The following RABL6 variants were observed in gnomAD, a reference collection of about 807,000 sequenced individuals.
RABL6 encodes the protein RAB, member RAS oncogene family like 6, also known as rab-like protein 6.
Under a neutral mutation model 72.9 loss-of-function variants are expected in RABL6, and 28 were observed. That is an observed-to-expected ratio of 0.38 (90% confidence interval 0.28 to 0.53). The LOEUF (loss-of-function observed/expected upper bound fraction) is 0.53. Ranked by LOEUF, RABL6 falls within the 20% of genes least tolerant of loss-of-function variation. The pLI is 0.80. For synonymous variants in RABL6, 477 were observed against 421.2 expected (o/e 1.13, Z -1.62); for missense variants, 1,029 against 1,008.4 (o/e 1.02, Z -0.28).
intron 5 of RABL6, 45 bp downstream of exon 5, chr9:136,829,529 C>T (rs772746996): frequency 1.5e-5 from 23 of 1,513,448 alleles, no homozygotes; most frequent in Middle Eastern, 1.7e-4. Context: ...CTCTCACCCC[C>T]CTAGCCCCTT....
At chr9:136,810,862 A>G (rs1283189320) in intron 1 of RABL6, among the ~76,000 whole-genome samples, 2 of 152,132 alleles carry the variant, frequency 1.3e-5, no homozygotes, top group Admixed American at 6.6e-5. Context: ...ATTTTCTCAA[A>G]TATTTTACAG....
intron 1 of RABL6, among the ~76,000 whole-genome samples, chr9:136,822,720 C>T (rs1425661240): frequency 6.6e-6 from 1 of 152,216 alleles, no homozygotes; most frequent in Non-Finnish European, 1.5e-5. Flanking sequence ...GCAAGCAGGC[C>T]CAGGCCCGGG....
Position 136,840,869 on chromosome 9 carries a change from C to T in RABL6, c.*347C>T. On this transcript the variant is annotated 3_prime_UTR_variant, in exon 15 of 15. Transcript: ENST00000311502. ...GTTTACAGAGGCTGGGCAGGGGCCG[C>T]TTGGCTGTGGGGTGTGCGCTGCCCC... 6.5e-7 allele frequency: 1 copy of T among 1,537,628 alleles called. No homozygotes were observed. Among genetic ancestry groups the T allele is most frequent in the Non-Finnish European group, 8.8e-7 (1 of 1,140,046 alleles).
chr9:136,840,446 A>T lies in RABL6; in HGVS notation c.2114A>T (p.Asp705Val). ...CGCAGCAGGGAGAGGACGGCTGCCG[A>T]TGAGCTGGAGGCTTTCCTGGGGGGC... is the stretch of plus-strand genomic sequence containing the variant. ...PPRSRERTAA[D>V]ELEAFLGGGA... Residue 705 changes from aspartate (D) to valine (V), a missense_variant, in exon 15 of 15, where the codon GAT becomes GTT. Transcript: ENST00000311502. 1 of 1,547,340 alleles carries T rather than the reference A, an allele frequency of 6.5e-7. No homozygotes were observed. The highest frequency in any genetic ancestry group is 1.2e-5 in the South Asian group (1 of 83,892).
rs1202630259 is a variant in RABL6, at chr9:136,829,384, T to G, written c.367-9T>G. 4.5e-6 allele frequency: 7 copies of G among 1,561,512 alleles called. No individual in the cohort carries two copies. Among genetic ancestry groups the G allele is most frequent in the Non-Finnish European group, 6.1e-6 (7 of 1,152,674 alleles). On this transcript the variant is annotated splice_polypyrimidine_tract_variant and intron_variant, in intron 4 of 14. Transcript: ENST00000311502. ...GGCCAGTCTCACACCTGTTCCCTCC[T>G]GTCCCCAGGCGGAGTCTGAAATGGC...
chr9:136,823,426 G>T, intron 1 of RABL6, 99 bp from the exon 2 acceptor site: 1 of 1,464,364 alleles, frequency 6.8e-7, no homozygotes, highest in Non-Finnish European at 9.3e-7. Flanking sequence ...AGATGAAACA[G>T]GTGGCAGCAG....
chr9:136,823,789 G>A (rs1244122968), intron 2 of RABL6, 130 bp downstream of exon 2: 11 of 1,240,838 alleles, frequency 8.9e-6, no homozygotes, highest in Admixed American at 6.0e-5. Context: ...CCCTGCTGAC[G>A]TGGGGGCCCT....
chr9:136,821,125 A>T (rs1170672834), intron 1 of RABL6, among the ~76,000 whole-genome samples: 3 of 152,204 alleles, frequency 2.0e-5, no homozygotes, highest in African/African-American at 7.2e-5. Context: ...CTTTGTTAAC[A>T]TTGGTTCTTG....
At chr9:136,836,224 TGAA>T (rs778303732) in intron 8 of RABL6, 8 of 212,644 alleles carry the variant, frequency 3.8e-5, no homozygotes, top group Non-Finnish European at 7.6e-5. Context: ...CTCCCTGTGT[TGAA>T]GAGGCATACA....
intron 2 of RABL6, among the ~76,000 whole-genome samples, chr9:136,824,983 T>C (rs1848322222): frequency 6.6e-6 from 1 of 152,134 alleles, no homozygotes; most frequent in Admixed American, 6.5e-5. Flanking sequence ...GCCCCGGGCG[T>C]GCCTCTCCCC....
At position 136,840,316 on chromosome 9, in the gene RABL6, C is replaced by A; in HGVS notation, c.1990-6C>A. The A allele has an allele frequency of 6.3e-7, 1 of 1,593,026 alleles. No homozygotes were observed. Among genetic ancestry groups the A allele is most frequent in the Non-Finnish European group, 8.5e-7 (1 of 1,170,236 alleles). On this transcript the variant is annotated splice_region_variant and splice_polypyrimidine_tract_variant and intron_variant, in intron 14 of 14. Coordinates refer to ENST00000311502, the MANE Select transcript of RABL6 (RefSeq NM_024718.5). Reference sequence around the variant, plus strand: ...CTCCATGGCGCCCCATCCTTGTGCTCCTCAGGAAGAAGAAAAAGCTGCCAA... The same window carrying A: ...CTCCATGGCGCCCCATCCTTGTGCTACTCAGGAAGAAGAAAAAGCTGCCAA...
intron 1 of RABL6, among the ~76,000 whole-genome samples, chr9:136,815,846 A>G (rs552363311): frequency 4.6e-5 from 7 of 152,258 alleles, no homozygotes; most frequent in Non-Finnish European, 1.0e-4. Flanking sequence ...GGCCTCAAAT[A>G]GAGCTCTGTG....
intron 1 of RABL6, chr9:136,821,503 G>T: frequency 1.0e-6 from 1 of 985,360 alleles, no homozygotes; most frequent in Non-Finnish European, 1.2e-6. Flanking sequence ...CGGGCCCAGC[G>T]AGGCTATGCG....
At chr9:136,815,022 T>G (rs759239064) in intron 1 of RABL6, 18 of 177,880 alleles carry the variant, frequency 1.0e-4, no homozygotes, top group Non-Finnish European at 1.6e-4. Context: ...TTGGCTGGTG[T>G]TGTTTCCATA....
Position 136,825,800 on chromosome 9 carries a change from T to C in RABL6, c.287T>C (p.Val96Ala), listed in dbSNP as rs1848342953. ...SYKTTDDIVK[V>A]EVWDVVDKGK... Reference sequence around the variant, plus strand: ...TCAGCCACGGATGACATCGTGAAGGTTGAAGTCTGGGATGTAGTAGACAAA... The same window carrying C: ...TCAGCCACGGATGACATCGTGAAGGCTGAAGTCTGGGATGTAGTAGACAAA... Residue 96 changes from valine (V) to alanine (A), a missense_variant, in exon 3 of 15, where the codon GTT becomes GCT. By Grantham distance (64) the Val-to-Ala change is moderately conservative. Around this residue, in one of 2 missense-constraint regions of RABL6, gnomAD observed 434 missense variants for 536.1 expected, o/e 0.81. Transcript: ENST00000311502. 4 of 1,613,542 alleles carry C rather than the reference T, an allele frequency of 2.5e-6. No individual in the cohort carries two copies. Among genetic ancestry groups the C allele is most frequent in the Non-Finnish European group, 3.4e-6 (4 of 1,179,598 alleles).
rs1848178644 is a variant in RABL6 at position 136,818,751 on chromosome 9, AAAAG to A, written c.131-4773_131-4770del. On this transcript the variant is annotated intron_variant, in intron 1 of 14. Transcript: ENST00000311502. ...CAGAGTGAGACTTAATCAAAAAAAA[AAAAG>A]GAAAGAAAAGGAATAAGCGTTGGTT... 2.0e-5 allele frequency among the ~76,000 whole-genome samples: 3 copies of A among 152,088 alleles called. No individual in the cohort carries two copies. In the South Asian group the frequency reaches 6.2e-4, roughly 32 times the overall value.
intron 6 of RABL6, 185 bp from the exon 7 acceptor site, chr9:136,832,080 C>T (rs1588366727): frequency 1.1e-6 from 1 of 904,162 alleles, no homozygotes; most frequent in Non-Finnish European, 1.6e-6. Context: ...AGTGCTGGCA[C>T]TGTGGGGTCA....
intron 6 of RABL6, 92 bp downstream of exon 6, chr9:136,831,953 C>T (rs1249935417): frequency 4.1e-6 from 6 of 1,471,416 alleles, no homozygotes; most frequent in African/African-American, 1.4e-5. Flanking sequence ...GAGGGGTTAA[C>T]GTTAGCATGG....
chr9:136,813,089 A>C (rs767111345), intron 1 of RABL6: 2 of 388,900 alleles, frequency 5.1e-6, no homozygotes, highest in Non-Finnish European at 9.8e-6. Context: ...ACCCTTGCCC[A>C]ACAAAGCTGT....
Sources: allele counts gnomAD v4.1 joint callset (sites outside exome capture counted in the v4.1 genomes callset), GRCh38; gene constraint gnomAD v4.1.1; regional missense constraint gnomAD v4.1.1; transcripts MANE v1.5; gene names NCBI Gene and HGNC (gene_info 2026-07-23, HGNC 2026-07-21).